The following MOCS1 variants were observed in gnomAD, a reference collection of about 807,000 sequenced individuals.
MOCS1 encodes molybdenum cofactor synthesis 1, also known as molybdenum cofactor biosynthesis protein 1.
Under a neutral mutation model 57.6 loss-of-function variants are expected in MOCS1, and 39 were observed. The observed-to-expected ratio is 0.68, with a 90% CI of 0.52 to 0.88. The LOEUF (loss-of-function observed/expected upper bound fraction) is 0.88. Ranked by LOEUF, MOCS1 falls within the 40% of genes least tolerant of loss-of-function variation. MOCS1 has a pLI of 0.00. For missense variants in MOCS1, 795 were observed against 831.1 expected (o/e 0.96, Z 0.53); for synonymous variants, 334 against 335.7 (o/e 1.00, Z 0.05).
intron 3 of MOCS1, among the ~76,000 whole-genome samples, chr6:39,918,822 A>C (rs112927410): frequency 4.2e-4 from 63 of 151,092 alleles, no homozygotes; most frequent in African/African-American, 1.5e-3. Flanking sequence ...TCTGAAATAA[A>C]CATAAATTAC....
chr6:39,917,385 A>G (rs1767721001), intron 3 of MOCS1, among the ~76,000 whole-genome samples: 1 of 152,122 alleles, frequency 6.6e-6, no homozygotes, highest in African/African-American at 2.4e-5. Context: ...ATTACCTCCT[A>G]CTGGGTCCCT....
intron 3 of MOCS1, 117 bp from the exon 4 acceptor site, chr6:39,916,349 C>T (rs1212025250): frequency 5.6e-6 from 7 of 1,253,992 alleles, no homozygotes; most frequent in Non-Finnish European, 5.6e-6. Flanking sequence ...AGGCTCTCTG[C>T]AGACCTATAT....
chr6:39,908,676 C>T (rs1767105589), intron 10 of MOCS1, among the ~76,000 whole-genome samples: 1 of 152,132 alleles, frequency 6.6e-6, no homozygotes, highest in Non-Finnish European at 1.5e-5. Context: ...TCATTGGGTA[C>T]TACAGAGGAC....
intron 5 of MOCS1, 87 bp downstream of exon 5, chr6:39,913,687 G>T: frequency 1.4e-6 from 2 of 1,421,760 alleles, no homozygotes; most frequent in Non-Finnish European, 2.0e-6. Flanking sequence ...AGAGCTGAGG[G>T]CTCTCAAGTG....
chr6:39,910,831 G>GC (rs1191972125), intron 8 of MOCS1, among the ~76,000 whole-genome samples: 2 of 133,342 alleles, frequency 1.5e-5, no homozygotes, highest in African/African-American at 5.5e-5. Flanking sequence ...CTCCCCTCCC[G>GC]CCCCCCAGCT....
rs566474162 is a variant in MOCS1 at position 39,904,325 on chromosome 6, C to T, written c.*2032G>A. The T allele has an allele frequency of 2.2e-6, 1 of 456,584 alleles. No individual in the cohort carries two copies. Among genetic ancestry groups the T allele is most frequent in the Non-Finnish European group, 4.4e-6 (1 of 226,978 alleles). The allele number at this position is 456,584 out of a possible 1,614,324, so 28.3% of individuals were successfully genotyped here. ...TGGCCAGTGGCTCTGGTGCTAGATGCCACTGTAGCCAGATCTCCAACAGTG... is the reference window on the plus strand; with the variant it reads ...TGGCCAGTGGCTCTGGTGCTAGATGTCACTGTAGCCAGATCTCCAACAGTG... On this transcript the variant is annotated 3_prime_UTR_variant, in exon 11 of 11. Transcript: ENST00000340692.
chr6:39,929,962 A>AAAAAAAG (rs1554192264), intron 1 of MOCS1, among the ~76,000 whole-genome samples: 2 of 136,536 alleles, frequency 1.5e-5, no homozygotes, highest in African/African-American at 5.3e-5. Flanking sequence ...AAAAAAAAAA[A>AAAAAAAG]TGGAATTTGG....
chr6:39,928,032 TAA>T (rs920048083), intron 1 of MOCS1, among the ~76,000 whole-genome samples: 1 of 152,134 alleles, frequency 6.6e-6, no homozygotes, highest in Admixed American at 6.5e-5. Flanking sequence ...CCAAGCATCT[TAA>T]AGTTTCCAAA....
In MOCS1 at chr6:39,927,166, CT is replaced by C. The variant is rs1217125406; in HGVS notation, c.250+162del. ...CATACAACTCAGCCTTGACCCCTATCTTGCCCCTGAAGCCCACCTGGCCTGG... is the reference window on the plus strand; with the variant it reads ...CATACAACTCAGCCTTGACCCCTATCTGCCCCTGAAGCCCACCTGGCCTGG... On this transcript the variant is annotated intron_variant, in intron 2 of 10. Coordinates refer to ENST00000340692, the MANE Select transcript of MOCS1 (RefSeq NM_001358530.2). The C allele has an allele frequency of 2.9e-5, 22 of 759,870 alleles. No homozygotes were observed. The African/African-American group carries it at 3.9e-4, about 13-fold the overall frequency. 47.1% of individuals were successfully genotyped at this position (759,870 alleles called of 1,614,324 possible).
At chr6:39,930,384 G>A (rs1180977306) in intron 1 of MOCS1, among the ~76,000 whole-genome samples, 2 of 152,116 alleles carry the variant, frequency 1.3e-5, no homozygotes, top group Non-Finnish European at 2.9e-5. Flanking sequence ...GGCTGGCCTG[G>A]GCTGTTTCCT....
chr6:39,915,090 C>T (rs1478512519), intron 4 of MOCS1, among the ~76,000 whole-genome samples: 2 of 152,194 alleles, frequency 1.3e-5, no homozygotes, highest in African/African-American at 4.8e-5. Flanking sequence ...CTCTCTGTAA[C>T]TCTTTAATCA....
chr6:39,928,868 T>C (rs1275134308), intron 1 of MOCS1, among the ~76,000 whole-genome samples: 1 of 152,206 alleles, frequency 6.6e-6, no homozygotes, highest in Non-Finnish European at 1.5e-5. Context: ...CTAGCGCAAC[T>C]ATGCCTACAA....
At chr6:39,931,852 C>T (rs1768659553) in intron 1 of MOCS1, among the ~76,000 whole-genome samples, 1 of 152,150 alleles carries the variant, frequency 6.6e-6, no homozygotes, top group Admixed American at 6.5e-5. Context: ...CCAACAAAGC[C>T]TGCATGGAGC....
At position 39,904,285 on chromosome 6, in the gene MOCS1, T is replaced by A; in HGVS notation, c.*2072A>T. 4.4e-6 allele frequency: 2 copies of A among 456,764 alleles called. No individual in the cohort carries two copies. The highest frequency in any genetic ancestry group is 3.1e-5 in the South Asian group (2 of 64,568). 28.3% of individuals were successfully genotyped at this position (456,764 alleles called of 1,614,324 possible). A position where few individuals can be genotyped will look rare whatever the true frequency, so the allele number is the denominator to read the frequency against. Reference sequence around the variant, plus strand: ...ACTCTAAAAGAAAGATATTTTTCTATTTATTTTCTACATCTGGCCAGTGGC... The same window carrying A: ...ACTCTAAAAGAAAGATATTTTTCTAATTATTTTCTACATCTGGCCAGTGGC... On this transcript the variant is annotated 3_prime_UTR_variant, in exon 11 of 11. Transcript: ENST00000340692.
intron 6 of MOCS1, 49 bp downstream of exon 6, chr6:39,913,268 G>T: frequency 6.6e-7 from 1 of 1,522,830 alleles, no homozygotes; most frequent in Non-Finnish European, 9.1e-7. Context: ...TATGCGACCT[G>T]CAGGCCCAAC....
At position 39,929,939 on chromosome 6, in the gene MOCS1, CAAAAAAA is replaced by C. The variant is rs397948587; in HGVS notation, c.124-2491_124-2485del. Among the ~76,000 whole-genome samples the C allele has an allele frequency of 4.1e-5, 4 of 96,738 alleles. No individual in the cohort carries two copies. In the South Asian group the frequency reaches 1.1e-3, roughly 28 times the overall value. 63.5% of individuals were successfully genotyped at this position (96,738 alleles called of 152,430 possible). On this transcript the variant is annotated intron_variant, in intron 1 of 10. Transcript: ENST00000340692. ...CCTGGGCAACAGAGCGAGATTCTCT[CAAAAAAA>C]AAAAAAAAAAAAAAAATGGAATTTG...
chr6:39,913,395 C>A lies in MOCS1; in HGVS notation c.679G>T (p.Asp227Tyr). The A allele has an allele frequency of 6.2e-7, 1 of 1,614,256 alleles. No individual in the cohort carries two copies. Among genetic ancestry groups the A allele is most frequent in the East Asian group, 2.2e-5 (1 of 44,884 alleles). The change falls in exon 6 of 11, where the codon GAT (aspartate) becomes TAT (tyrosine). Residue 227 changes from aspartate (D) to tyrosine (Y), a missense_variant. Around this residue, in one of 3 missense-constraint regions of MOCS1, gnomAD observed 416 missense variants for 392.4 expected, o/e 1.06. Coordinates refer to ENST00000340692, the MANE Select transcript of MOCS1 (RefSeq NM_001358530.2). ...NCVVMRGLNE[D>Y]ELLDFAALTE... is the part of the protein sequence containing the mutation. ...AAGGCCGCAAAGTCCAGGAGTTCAT[C>A]CTCGTTAAGGCCTCGCATCACCACA...
chr6:39,913,787 T>C lies in MOCS1; in HGVS notation c.632A>G (p.Tyr211Cys), dbSNP rs1242005289. The C allele has an allele frequency of 4.3e-6, 7 of 1,614,196 alleles. No individual in the cohort carries two copies. Among genetic ancestry groups the C allele is most frequent in the Non-Finnish European group, 4.2e-6 (5 of 1,180,038 alleles). The change falls in exon 5 of 11, where the codon TAC becomes TGC. Residue 211 changes from tyrosine to cysteine, a missense_variant. Physicochemically the swap from Tyr to Cys is radical, Grantham distance 194. This residue lies in a region of MOCS1 where 416 missense variants were observed against 392.4 expected (regional missense o/e 1.06). Coordinates refer to ENST00000340692, the MANE Select transcript of MOCS1 (RefSeq NM_001358530.2). ...GCACGGCCTCACCTTCACAGGGTTG[T>C]AGCCCAGCTCGATGGCCTTGTGGAT... Reference protein sequence around the residue: ...EGIHKAIELGYNPVKVNCVVM... With the variant: ...EGIHKAIELGCNPVKVNCVVM...
intron 3 of MOCS1, among the ~76,000 whole-genome samples, chr6:39,922,749 T>G (rs1173554152): frequency 6.6e-6 from 1 of 152,094 alleles, no homozygotes; most frequent in African/African-American, 2.4e-5. Flanking sequence ...CTGACAGAGC[T>G]TCAGACATGG....
Sources: allele counts gnomAD v4.1 joint callset (sites outside exome capture counted in the v4.1 genomes callset), GRCh38; gene constraint gnomAD v4.1.1; regional missense constraint gnomAD v4.1.1; transcripts MANE v1.5; gene names NCBI Gene and HGNC (gene_info 2026-07-23, HGNC 2026-07-21).